The following MRAP variants were observed in gnomAD, a reference collection of about 807,000 sequenced individuals.
MRAP encodes the protein melanocortin-2 receptor accessory protein.
A neutral mutation model predicts 8.7 loss-of-function variants in MRAP; 8 were observed. The observed-to-expected ratio is 0.92, with a 90% CI of 0.54 to 1.66. The LOEUF is 1.66. Ranked by LOEUF, MRAP falls within the 40% of genes most tolerant of loss-of-function variation. The pLI is 0.00. For missense variants in MRAP, 237 were observed against 217.1 expected (o/e 1.09, Z -0.58); for synonymous variants, 95 against 95.5 (o/e 1.00, Z 0.03).
Position 32,298,892 on chromosome 21 carries a change from G to T in MRAP, c.-80G>T. The T allele has an allele frequency of 1.1e-6, 1 of 945,296 alleles. No homozygotes were observed. 58.6% of individuals were successfully genotyped at this position (945,296 alleles called of 1,614,324 possible). The stretch of plus-strand genomic sequence containing the variant: ...GGACGATTCCTGCAGAAATCAGTGA[G>T]GCAGTCTCCTCCCAGGGGCTTGGCG... On this transcript the variant is annotated 5_prime_UTR_variant, in exon 1 of 3. The change creates a new upstream start codon in the 5' untranslated region. Coordinates refer to ENST00000303645, the MANE Select transcript of MRAP (RefSeq NM_001379228.1).
chr21:32,305,995 G>C (rs2032406205), intron 1 of MRAP, among the ~76,000 whole-genome samples: 1 of 152,146 alleles, frequency 6.6e-6, no homozygotes, highest in African/African-American at 2.4e-5. Context: ...CAGCCATCAT[G>C]CTGGTAGCAA....
At chr21:32,296,171 C>CAA (rs2032135609), upstream of MRAP, among the ~76,000 whole-genome samples, 2 of 152,034 alleles carry the variant, frequency 1.3e-5, no homozygotes, top group African/African-American at 4.8e-5. Flanking sequence ...TCCCAACCTC[C>CAA]TCTTCTTATG....
At chr21:32,308,107 T>C (rs574191973) in intron 2 of MRAP, among the ~76,000 whole-genome samples, 1 of 152,204 alleles carries the variant, frequency 6.6e-6, no homozygotes, top group East Asian at 1.9e-4. Context: ...GTGTGGGGGC[T>C]CACACCTGTA....
chr21:32,303,946 C>T (rs1316636405), intron 1 of MRAP, among the ~76,000 whole-genome samples: 3 of 152,216 alleles, frequency 2.0e-5, no homozygotes, highest in South Asian at 2.1e-4. Flanking sequence ...TATGAAGACA[C>T]TGCGTTCTGT....
chr21:32,296,651 T>C (rs984265675), upstream of MRAP, among the ~76,000 whole-genome samples: 2 of 152,234 alleles, frequency 1.3e-5, no homozygotes, highest in Admixed American at 6.5e-5. Context: ...GTTACTATGC[T>C]GAATACTGTA....
chr21:32,299,128 C>T (rs1329096651), intron 1 of MRAP, 51 bp downstream of exon 1: 2 of 1,439,982 alleles, frequency 1.4e-6, no homozygotes, highest in African/African-American at 2.8e-5. Context: ...GGCCGGGGCC[C>T]AAATGACTGG....
downstream of MRAP, chr21:32,314,205 G>T: frequency 5.3e-6 from 1 of 190,204 alleles, no homozygotes. Context: ...ATTTTTTTGA[G>T]ATGGAGTCTT....
Position 32,299,038 on chromosome 21 carries a change from C to A in MRAP, c.67C>A (p.Leu23Ile), listed in dbSNP as rs750122298. Residue 23 changes from leucine to isoleucine, a missense_variant, in exon 1 of 3, where the codon CTC becomes ATC. Coordinates refer to ENST00000303645, the MANE Select transcript of MRAP (RefSeq NM_001379228.1). ...SYEYYLDYLD[L>I]IPVDEKKLKA... ...TGAATACTACCTGGACTATCTGGAC[C>A]TCATTCCCGTGGACGAGAAGAAGCT... is the stretch of plus-strand genomic sequence containing the variant. 6.2e-7 allele frequency: 1 copy of A among 1,614,210 alleles called. No individual in the cohort carries two copies. The highest frequency in any genetic ancestry group is 8.5e-7 in the Non-Finnish European group (1 of 1,180,028).
chr21:32,308,843 C>T (rs2032480729), intron 2 of MRAP: 1 of 152,448 alleles, frequency 6.6e-6, no homozygotes, highest in African/African-American at 2.4e-5. Flanking sequence ...CATTATAGAC[C>T]ATTATGTCCA....
chr21:32,298,863 A>T lies in MRAP; in HGVS notation c.-109A>T. 1.3e-6 allele frequency: 1 copy of T among 787,260 alleles called. No homozygotes were observed. The highest frequency in any genetic ancestry group is 2.2e-6 in the Non-Finnish European group (1 of 451,722). 48.8% of individuals were successfully genotyped at this position (787,260 alleles called of 1,614,324 possible). A position where few individuals can be genotyped will look rare whatever the true frequency, so the allele number is the denominator to read the frequency against. On this transcript the variant is annotated 5_prime_UTR_variant, in exon 1 of 3. Transcript: ENST00000303645. ...CTTGAGCCTAGAGACCCACAGACAC[A>T]CTTGGACGATTCCTGCAGAAATCAG...
intron 1 of MRAP, among the ~76,000 whole-genome samples, chr21:32,304,298 A>G (rs2032351944): frequency 6.6e-6 from 1 of 152,134 alleles, no homozygotes; most frequent in South Asian, 2.1e-4. Flanking sequence ...AAGGAAGGCT[A>G]AGAGAGTCAG....
chr21:32,310,013 T>C (rs2032519214), intron 2 of MRAP, among the ~76,000 whole-genome samples: 1 of 152,146 alleles, frequency 6.6e-6, no homozygotes, highest in Admixed American at 6.5e-5. Context: ...ATCTGAGGGA[T>C]AAACGAGTGA....
At chr21:32,314,247 C>T (rs2032641368), downstream of MRAP, 1 of 331,712 alleles carries the variant, frequency 3.0e-6, no homozygotes, top group South Asian at 2.8e-5. Context: ...CGCAATGGCA[C>T]GATCTCAGCT....
intron 1 of MRAP, among the ~76,000 whole-genome samples, chr21:32,300,727 ATTCGTCCTATGT>A (rs1231911891): frequency 6.4e-3 from 199 of 31,160 alleles, no homozygotes; most frequent in Non-Finnish European, 9.2e-3. Context: ...TCGGGGCGTC[ATTCGTCCTATGT>A]CAGTGTGTCG....
upstream of MRAP, among the ~76,000 whole-genome samples, chr21:32,296,416 G>GT (rs2032140167): frequency 6.6e-6 from 1 of 152,180 alleles, no homozygotes; most frequent in Non-Finnish European, 1.5e-5. Context: ...AAGTACACAG[G>GT]TGGGTGCATG....
chr21:32,301,550 T>C (rs1035953922), intron 1 of MRAP, among the ~76,000 whole-genome samples: 1 of 152,220 alleles, frequency 6.6e-6, no homozygotes, highest in East Asian at 1.9e-4. Flanking sequence ...ACATGTTTGA[T>C]CTTCATCTGT....
chr21:32,299,051 A>T lies in MRAP; in HGVS notation c.80A>T (p.Asp27Val). 1 of 1,614,096 alleles carries T rather than the reference A, an allele frequency of 6.2e-7. No individual in the cohort carries two copies. The highest frequency in any genetic ancestry group is 8.5e-7 in the Non-Finnish European group (1 of 1,179,956). ...GACTATCTGGACCTCATTCCCGTGGACGAGAAGAAGCTGAAAGCCCACAAA... is the reference window on the plus strand; with the variant it reads ...GACTATCTGGACCTCATTCCCGTGGTCGAGAAGAAGCTGAAAGCCCACAAA... ...YLDYLDLIPV[D>V]EKKLKAHKHS... Residue 27 changes from aspartate to valine, a missense_variant, in exon 1 of 3, where the codon GAC (aspartate) becomes GTC (valine). Coordinates refer to ENST00000303645, the MANE Select transcript of MRAP (RefSeq NM_001379228.1).
chr21:32,305,137 C>CA (rs897664108), intron 1 of MRAP, among the ~76,000 whole-genome samples: 65 of 151,776 alleles, frequency 4.3e-4, no homozygotes, highest in African/African-American at 1.4e-3. Flanking sequence ...CCCAGGTAAT[C>CA]AAAAAAATTT....
At chr21:32,296,284 G>A (rs1209663333), upstream of MRAP, among the ~76,000 whole-genome samples, 1 of 152,152 alleles carries the variant, frequency 6.6e-6, no homozygotes, top group Non-Finnish European at 1.5e-5. Context: ...CTGAGATACT[G>A]GGGGTGAAGG....
Sources: gnomAD v4.1 joint callset for allele counts (sites outside exome capture counted in the v4.1 genomes callset) on GRCh38, gnomAD v4.1.1 for gene constraint, MANE v1.5 for transcripts, NCBI Gene and HGNC (gene_info 2026-07-23, HGNC 2026-07-21) for gene names.